Variants in DISC1 observed in about 807,000 individuals in gnomAD.
The protein encoded by DISC1 is disrupted in schizophrenia 1 protein.
Under a neutral mutation model 84.5 loss-of-function variants are expected in DISC1, and 57 were observed. The ratio of observed to expected loss-of-function variants is 0.67; its 90% confidence interval spans 0.55 to 0.84. The LOEUF (loss-of-function observed/expected upper bound fraction) is 0.84, where lower values mean the gene tolerates loss of function less well. Among genes scored for constraint, DISC1 ranks in the 40% least tolerant of loss-of-function variants. The probability of loss-of-function intolerance (pLI) is 0.00; values close to 1 mark genes in which losing one functional copy is unlikely to be tolerated. For missense variants in DISC1, 1,000 were observed against 1,057.8 expected (o/e 0.95, Z 0.76); for synonymous variants, 411 against 415.2 (o/e 0.99, Z 0.12).
intron 9 of DISC1, among the ~76,000 whole-genome samples, chr1:231,919,642 T>C (rs1026214495): frequency 6.6e-6 from 1 of 152,220 alleles, no homozygotes; most frequent in Non-Finnish European, 1.5e-5. Flanking sequence ...AAAGACCTTT[T>C]TTCTGATAAG....
intron 9 of DISC1, among the ~76,000 whole-genome samples, chr1:231,873,903 C>T (rs2085652707): frequency 6.6e-6 from 1 of 151,730 alleles, no homozygotes; most frequent in Admixed American, 6.6e-5. Flanking sequence ...TGCTGAAGTG[C>T]AGTGGTGTGA....
intron 12 of DISC1, among the ~76,000 whole-genome samples, chr1:232,028,118 A>C (rs901297622): frequency 1.3e-5 from 2 of 152,208 alleles, no homozygotes; most frequent in African/African-American, 4.8e-5. Context: ...ACAAACATAG[A>C]ATAAGGATGG....
chr1:231,685,465 T>G (rs758069830), intron 1 of DISC1, among the ~76,000 whole-genome samples: 4 of 152,128 alleles, frequency 2.6e-5, no homozygotes, highest in Non-Finnish European at 5.9e-5. Flanking sequence ...ATTGTATTTT[T>G]TTTTTGAGAC....
intron 3 of DISC1, among the ~76,000 whole-genome samples, chr1:231,704,088 C>G (rs955191543): frequency 6.6e-6 from 1 of 152,224 alleles, no homozygotes; most frequent in Non-Finnish European, 1.5e-5. Context: ...TCTTCCCAAT[C>G]CCACAGACCC....
intron 9 of DISC1, among the ~76,000 whole-genome samples, chr1:231,903,409 C>T (rs1047439793): frequency 6.6e-6 from 1 of 152,154 alleles, no homozygotes; most frequent in Non-Finnish European, 1.5e-5. Flanking sequence ...GCCTATAAGA[C>T]TGTAGATTTA....
chr1:231,975,222 C>T (rs1662624715), intron 10 of DISC1, among the ~76,000 whole-genome samples: 2 of 152,054 alleles, frequency 1.3e-5, no homozygotes, highest in Admixed American at 6.6e-5. Context: ...AAAAAGGGCT[C>T]AACTTACTAA....
rs1479359525 is a variant in DISC1 at position 231,843,913 on chromosome 1, TC to T, written c.1981+25397del. On this transcript the variant is annotated intron_variant, in intron 9 of 12. Transcript: ENST00000439617. ...TGACTGACGGCAGGGCTTTGGCTGT[TC>T]TCAGCATATGGATTATAATTAGAGC... 2.0e-5 allele frequency among the ~76,000 whole-genome samples: 3 copies of T among 152,194 alleles called. No homozygotes were observed. The East Asian group carries it at 5.8e-4, about 29-fold the overall frequency.
intron 9 of DISC1, among the ~76,000 whole-genome samples, chr1:231,935,546 G>A (rs2090932039): frequency 6.6e-6 from 1 of 152,194 alleles, no homozygotes; most frequent in Non-Finnish European, 1.5e-5. Context: ...GGAAAGCCAT[G>A]CAAACATTTT....
chr1:232,029,061 G>A (rs1331356056), intron 12 of DISC1, among the ~76,000 whole-genome samples: 1 of 152,110 alleles, frequency 6.6e-6, no homozygotes, highest in Non-Finnish European at 1.5e-5. Flanking sequence ...TAAATGGACA[G>A]GTCTGTTCCA....
chr1:231,775,683 A>C (rs535096973), intron 6 of DISC1, among the ~76,000 whole-genome samples: 2,323 of 152,254 alleles, frequency 0.015, 34 homozygotes, highest in African/African-American at 0.034. Flanking sequence ...GGGGTGCATG[A>C]AAGGACAGGA....
chr1:231,876,060 A>AC (rs946582423), intron 9 of DISC1, among the ~76,000 whole-genome samples: 2 of 151,768 alleles, frequency 1.3e-5, no homozygotes. Flanking sequence ...ACTCTGAAGG[A>AC]CCCCCTCTGA....
chr1:232,028,786 C>G (rs1322381100), intron 12 of DISC1, among the ~76,000 whole-genome samples: 1 of 152,154 alleles, frequency 6.6e-6, no homozygotes, highest in East Asian at 1.9e-4. Context: ...CAAAAAGTTT[C>G]AAGGTAGATT....
chr1:231,680,176 C>T (rs557235379), intron 1 of DISC1, among the ~76,000 whole-genome samples: 26 of 152,102 alleles, frequency 1.7e-4, no homozygotes, highest in South Asian at 1.7e-3. Context: ...TGTAGTGAGC[C>T]GAGATCGTGC....
intron 9 of DISC1, among the ~76,000 whole-genome samples, chr1:231,904,085 T>G: frequency 6.6e-6 from 1 of 152,206 alleles, no homozygotes; most frequent in East Asian, 1.9e-4. Flanking sequence ...CAGTCCTCTC[T>G]CTTCAATGAT....
At chr1:231,952,691 T>TTATATATATATATATATATATATG (rs1188772018) in intron 9 of DISC1, among the ~76,000 whole-genome samples, 9 of 141,838 alleles carry the variant, frequency 6.3e-5, no homozygotes, top group Non-Finnish European at 1.1e-4. Flanking sequence ...ATATATATGT[T>TTATATATATATATATATATATATG]TATATATATA....
chr1:231,819,754 A>AT (rs34428827), intron 9 of DISC1, among the ~76,000 whole-genome samples: 14,269 of 152,180 alleles, frequency 0.094, 968 homozygotes, highest in East Asian at 0.35. Flanking sequence ...TCTGCTATTG[A>AT]TTTTTTAAAT....
At chr1:231,664,031 CATCT>C (rs1391795338) in intron 1 of DISC1, among the ~76,000 whole-genome samples, 18 of 127,154 alleles carry the variant, frequency 1.4e-4, no homozygotes, top group African/African-American at 5.5e-4. Context: ...TCTATCTATC[CATCT>C]ATCTATCCAT....
chr1:231,881,142 A>C (rs2086264589), intron 9 of DISC1, among the ~76,000 whole-genome samples: 1 of 152,214 alleles, frequency 6.6e-6, no homozygotes, highest in Non-Finnish European at 1.5e-5. Context: ...TGCTGTGGGC[A>C]AGAGAAGAGA....
At chr1:231,934,412 G>T (rs1382341623) in intron 9 of DISC1, among the ~76,000 whole-genome samples, 1 of 152,242 alleles carries the variant, frequency 6.6e-6, no homozygotes, top group East Asian at 1.9e-4. Context: ...TGGGGACTGT[G>T]TGTTAATGTC....
Sources: allele counts gnomAD v4.1 joint callset (sites outside exome capture counted in the v4.1 genomes callset), GRCh38; gene constraint gnomAD v4.1.1; transcripts MANE v1.5; gene names NCBI Gene and HGNC (gene_info 2026-07-23, HGNC 2026-07-21).